UNC79: variants seen among roughly 807,000 people sequenced by gnomAD.
UNC79 encodes unc-79 subunit of NALCN channel complex, also known as protein unc-79 homolog.
A neutral mutation model predicts 283.1 loss-of-function variants in UNC79; 37 were observed. That is an observed-to-expected ratio of 0.13 (90% confidence interval 0.10 to 0.17). The LOEUF is 0.17. Ranked by LOEUF, UNC79 falls within the 10% of genes least tolerant of loss-of-function variation. The pLI is 1.00. For synonymous variants in UNC79, 1,107 were observed against 1,200.2 expected (o/e 0.92, Z 1.61); for missense variants, 2,272 against 3,211.1 (o/e 0.71, Z 7.07).
intron 1 of UNC79, among the ~76,000 whole-genome samples, chr14:93,441,841 T>C (rs1296592679): frequency 6.6e-6 from 1 of 152,198 alleles, no homozygotes; most frequent in East Asian, 1.9e-4. Flanking sequence ...TATTTAATAC[T>C]CATCACTCAT....
intron 5 of UNC79, among the ~76,000 whole-genome samples, chr14:93,495,844 G>A (rs2058992327): frequency 6.6e-6 from 1 of 152,158 alleles, no homozygotes. Flanking sequence ...GCAAATCAAG[G>A]AAGCTTGCTG....
At chr14:93,540,741 C>T in exon 13 of UNC79, 4 of 1,613,782 alleles carry the variant, frequency 2.5e-6, no homozygotes, top group Non-Finnish European at 3.4e-6. Context: ...TCTCCTCTTC[C>T]CACCATTCCC....
chr14:93,444,278 T>C (rs546740475), intron 1 of UNC79, among the ~76,000 whole-genome samples: 8 of 152,310 alleles, frequency 5.3e-5, no homozygotes, highest in Non-Finnish European at 1.0e-4. Context: ...CTTTGGTCTA[T>C]TTTTATTGGT....
At chr14:93,600,214 G>C (rs563384173) in intron 24 of UNC79, among the ~76,000 whole-genome samples, 4 of 152,018 alleles carry the variant, frequency 2.6e-5, no homozygotes, top group South Asian at 2.1e-4. Context: ...AACAAACAAA[G>C]AAACAAACAA....
At chr14:93,418,240 C>G (rs2055507213) in intron 1 of UNC79, among the ~76,000 whole-genome samples, 5 of 151,772 alleles carry the variant, frequency 3.3e-5, no homozygotes, top group Admixed American at 2.6e-4. Context: ...TTCTAACAGA[C>G]AGGACCCTCA....
intron 13 of UNC79, among the ~76,000 whole-genome samples, chr14:93,541,470 A>G (rs1159933440): frequency 4.6e-5 from 7 of 152,328 alleles, no homozygotes; most frequent in African/African-American, 1.7e-4. Flanking sequence ...CAGTCTCCAT[A>G]GTGATATATC....
chr14:93,597,508 C>T, exon 24 of UNC79: 1 of 1,613,552 alleles, frequency 6.2e-7, no homozygotes, highest in Non-Finnish European at 8.5e-7. Context: ...AGCTGGTCTC[C>T]TGCTTGACAC....
chr14:93,424,080 T>A (rs1179314890), intron 1 of UNC79, among the ~76,000 whole-genome samples: 3 of 152,144 alleles, frequency 2.0e-5, no homozygotes, highest in Non-Finnish European at 2.9e-5. Context: ...TCTCAAAAAA[T>A]GTCATACAAA....
chr14:93,354,308 A>G (rs2054040832), intron 1 of UNC79, among the ~76,000 whole-genome samples: 1 of 152,158 alleles, frequency 6.6e-6, no homozygotes, highest in South Asian at 2.1e-4. Flanking sequence ...GAATACCTCT[A>G]ATTTGAAAAT....
intron 14 of UNC79, among the ~76,000 whole-genome samples, chr14:93,564,520 CAG>C (rs1435338555): frequency 6.6e-6 from 1 of 152,174 alleles, no homozygotes; most frequent in Non-Finnish European, 1.5e-5. Context: ...AGCAGGAGGA[CAG>C]GGGATTGATC....
At chr14:93,348,839 T>A (rs1260390961) in intron 1 of UNC79, among the ~76,000 whole-genome samples, 2 of 152,206 alleles carry the variant, frequency 1.3e-5, no homozygotes, top group South Asian at 2.1e-4. Context: ...TGAAGTGATG[T>A]TGTGGAAATA....
intron 1 of UNC79, among the ~76,000 whole-genome samples, chr14:93,409,159 G>A (rs756162264): frequency 2.2e-4 from 34 of 152,166 alleles, no homozygotes; most frequent in Non-Finnish European, 4.7e-4. Flanking sequence ...GTTTGTTTAT[G>A]TAGAACATTT....
chr14:93,442,766 C>A (rs111873149), intron 1 of UNC79, among the ~76,000 whole-genome samples: 1 of 152,112 alleles, frequency 6.6e-6, no homozygotes, highest in Admixed American at 6.5e-5. Context: ...AATATACAGT[C>A]ATGTAACCAC....
chr14:93,480,505 T>C (rs1411013377), intron 4 of UNC79, among the ~76,000 whole-genome samples: 2 of 152,196 alleles, frequency 1.3e-5, no homozygotes, highest in Non-Finnish European at 2.9e-5. Context: ...CTTTCCTTTC[T>C]CATAATCATT....
intron 18 of UNC79, among the ~76,000 whole-genome samples, chr14:93,579,184 G>A (rs947203261): frequency 6.6e-5 from 10 of 152,170 alleles, no homozygotes; most frequent in South Asian, 2.1e-4. Flanking sequence ...GTCAGCAGGC[G>A]TAAGATATAA....
chr14:93,577,558 C>T (rs1016725560), intron 17 of UNC79, among the ~76,000 whole-genome samples: 3 of 152,148 alleles, frequency 2.0e-5, no homozygotes, highest in African/African-American at 4.8e-5. Context: ...TCAAACAATC[C>T]GGTCTAATTG....
At chr14:93,405,581 T>C (rs1291370369) in intron 1 of UNC79, among the ~76,000 whole-genome samples, 1 of 152,134 alleles carries the variant, frequency 6.6e-6, no homozygotes, top group Non-Finnish European at 1.5e-5. Flanking sequence ...CACCTTTCCA[T>C]GTTATAAAAG....
At chr14:93,572,636 T>A in intron 15 of UNC79, 57 bp from the exon 16 acceptor site, 1 of 1,602,994 alleles carries the variant, frequency 6.2e-7, no homozygotes, top group African/African-American at 1.3e-5. Flanking sequence ...GGTGGTGGTA[T>A]TAGTAGAACC....
At chr14:93,694,363 T>C (rs757572855) in exon 47 of UNC79, 16 of 1,611,502 alleles carry the variant, frequency 9.9e-6, no homozygotes, top group African/African-American at 1.3e-5. Flanking sequence ...CTCCATGTGA[T>C]TAGTTTAATG....
Sources: gnomAD v4.1 joint callset for allele counts (sites outside exome capture counted in the v4.1 genomes callset) on GRCh38, gnomAD v4.1.1 for gene constraint, MANE v1.5 for transcripts, NCBI Gene and HGNC (gene_info 2026-07-23, HGNC 2026-07-21) for gene names.